The following MCMBP variants were observed in gnomAD, a reference collection of about 807,000 sequenced individuals.
The protein encoded by MCMBP is mini-chromosome maintenance complex-binding protein.
A neutral mutation model predicts 81.3 loss-of-function variants in MCMBP; 31 were observed. The ratio of observed to expected loss-of-function variants is 0.38; its 90% confidence interval spans 0.29 to 0.51. The LOEUF is 0.51. Ranked by LOEUF, MCMBP falls within the 20% of genes least tolerant of loss-of-function variation. MCMBP has a pLI of 0.87. For missense variants in MCMBP, 645 were observed against 772.1 expected, an observed-to-expected ratio of 0.84 and a Z score of 1.95; for synonymous variants, 267 against 275.9, an observed-to-expected ratio of 0.97 and a Z score of 0.32.
intron 14 of MCMBP, among the ~76,000 whole-genome samples, chr10:119,832,493 A>G (rs536826285): frequency 6.6e-6 from 1 of 152,298 alleles, no homozygotes; most frequent in South Asian, 2.1e-4. Context: ...CAAGAAAACC[A>G]GGTGATTATT....
At chr10:119,865,034 G>T (rs942762184) in intron 1 of MCMBP, among the ~76,000 whole-genome samples, 1 of 152,168 alleles carries the variant, frequency 6.6e-6, no homozygotes, top group African/African-American at 2.4e-5. Context: ...GATCTACTTG[G>T]TTGACAGTGT....
At chr10:119,858,951 G>A in intron 3 of MCMBP, 26 bp from the exon 4 acceptor site, 1 of 1,610,346 alleles carries the variant, frequency 6.2e-7, no homozygotes, top group Non-Finnish European at 8.5e-7. Flanking sequence ...TAGAAAAACA[G>A]AATTATATCA....
In MCMBP at chr10:119,838,719, T is replaced by C. The variant is rs558673345; in HGVS notation, c.1243-19A>G. ...GAAAAGACTGCAAAGAGAAATTTTT[T>C]AGTGAACAAGAATTTAAGTTTCCCT... On this transcript the variant is annotated intron_variant, in intron 11 of 15. Transcript: ENST00000369077. 6.3e-6 allele frequency: 10 copies of C among 1,583,574 alleles called. No homozygotes were observed. Among genetic ancestry groups the C allele is most frequent in the South Asian group, 2.3e-5 (2 of 87,648 alleles).
intron 11 of MCMBP, among the ~76,000 whole-genome samples, chr10:119,839,077 G>A (rs1045361110): frequency 6.6e-6 from 1 of 152,186 alleles, no homozygotes; most frequent in Non-Finnish European, 1.5e-5. Flanking sequence ...AAGACAGGGA[G>A]AGAAAAGCTT....
At chr10:119,855,220 T>G (rs1299468078) in intron 5 of MCMBP, among the ~76,000 whole-genome samples, 1 of 152,072 alleles carries the variant, frequency 6.6e-6, no homozygotes, top group East Asian at 1.9e-4. Flanking sequence ...CAAGGGAAAT[T>G]AGAAAATATT....
intron 9 of MCMBP, 54 bp from the exon 10 acceptor site, chr10:119,842,649 T>G: frequency 6.4e-7 from 1 of 1,564,926 alleles, no homozygotes; most frequent in Non-Finnish European, 8.6e-7. Flanking sequence ...TCCTCTCAAG[T>G]GTCTTAGGTA....
intron 1 of MCMBP, among the ~76,000 whole-genome samples, chr10:119,862,492 T>C (rs755839604): frequency 6.6e-6 from 1 of 152,188 alleles, no homozygotes; most frequent in Non-Finnish European, 1.5e-5. Context: ...AGCATATGGG[T>C]GGTTATAGGA....
chr10:119,836,599 G>C (rs141398711), intron 13 of MCMBP, among the ~76,000 whole-genome samples: 1 of 152,322 alleles, frequency 6.6e-6, no homozygotes, highest in East Asian at 1.9e-4. Flanking sequence ...AAGTCTGGAT[G>C]TTAAAATCAG....
Position 119,862,311 on chromosome 10 carries a change from C to G in MCMBP, c.59-2427G>C, listed in dbSNP as rs201773752. The stretch of plus-strand genomic sequence containing the variant: ...GACTAGAGTGAATCTTCGTCCCCCC[C>G]CACACCACCTCCTCCACCACGCAAA... On this transcript the variant is annotated intron_variant, in intron 1 of 15. Transcript: ENST00000369077. Among the ~76,000 whole-genome samples the G allele has an allele frequency of 6.6e-5, 10 of 152,054 alleles. No individual in the cohort carries two copies. The East Asian group carries it at 7.7e-4, about 12-fold the overall frequency.
chr10:119,857,509 A>G, intron 4 of MCMBP, 70 bp from the exon 5 acceptor site: 1 of 989,428 alleles, frequency 1.0e-6, no homozygotes, highest in African/African-American at 1.6e-5. Context: ...TAAAATTAGC[A>G]ACCACATTTT....
intron 9 of MCMBP, chr10:119,843,022 AG>A: frequency 2.1e-6 from 1 of 469,214 alleles, no homozygotes; most frequent in Non-Finnish European, 3.9e-6. Flanking sequence ...TAAAGTGCTA[AG>A]ATTACAGGCG....
In MCMBP at chr10:119,831,399, T is replaced by G. The variant is rs561097047; in HGVS notation, c.*75A>C. 6.2e-5 allele frequency: 96 copies of G among 1,546,916 alleles called. No homozygotes were observed. The East Asian group carries it at 2.0e-3, about 32-fold the overall frequency. ...GATAGAAATTACCTATAAAACAATG[T>G]GGTATAAATGAATATCTGAATTTTA... On this transcript the variant is annotated 3_prime_UTR_variant, in exon 16 of 16. Transcript: ENST00000369077.
In MCMBP at chr10:119,842,494, T is replaced by C; in HGVS notation, c.1102A>G (p.Ile368Val). 1 of 1,613,650 alleles carries C rather than the reference T, an allele frequency of 6.2e-7. No individual in the cohort carries two copies. Among genetic ancestry groups the C allele is most frequent in the South Asian group, 1.1e-5 (1 of 91,062 alleles). The change falls in exon 10 of 16, where the codon ATA becomes GTA. Residue 368 changes from isoleucine to valine, a missense_variant. Coordinates refer to ENST00000369077, the MANE Select transcript of MCMBP (RefSeq NM_001256378.2). ...LGDSLAAEYL[I>V]LHLISTVYTR... ...TACACTGTGGAGATGAGATGTAATA[T>C]AAGGTATTCAGCAGCCAAACTATCC...
chr10:119,842,471 C>T lies in MCMBP; in HGVS notation c.1124+1G>A. 1 of 1,612,272 alleles carries T rather than the reference C, an allele frequency of 6.2e-7. No individual in the cohort carries two copies. The highest frequency in any genetic ancestry group is 8.5e-7 in the Non-Finnish European group (1 of 1,179,066). On this transcript the variant is annotated splice_donor_variant, in intron 10 of 15. Transcript: ENST00000369077. LOFTEE classifies it high-confidence loss of function. ...AATTCCCACCAGGATACAGCACTTA[C>T]ACTGTGGAGATGAGATGTAATATAA... is the stretch of plus-strand genomic sequence containing the variant.
intron 2 of MCMBP, 63 bp from the exon 3 acceptor site, chr10:119,859,244 T>A (rs1009004565): frequency 6.7e-7 from 1 of 1,482,286 alleles, no homozygotes; most frequent in African/African-American, 1.4e-5. Context: ...TAAGCATATA[T>A]ACACAAACTT....
chr10:119,843,314 T>C lies in MCMBP; in HGVS notation c.940A>G (p.Lys314Glu), dbSNP rs1430964295. The stretch of plus-strand genomic sequence containing the variant: ...AATAATGGGTTGATGTGTTGCAACT[T>C]CTGGGCTAAGATCACATGAATTCTC... ...VPRIHVILAQ[K>E]LQHINPLLPA... Residue 314 changes from lysine (K) to glutamate (E), a missense_variant, in exon 9 of 16, where the codon AAG (lysine) becomes GAG (glutamate). Physicochemically the swap from Lys to Glu is moderately conservative, Grantham distance 56. Transcript: ENST00000369077. 3.1e-6 allele frequency: 5 copies of C among 1,613,952 alleles called. No individual in the cohort carries two copies. Among genetic ancestry groups the C allele is most frequent in the Non-Finnish European group, 4.2e-6 (5 of 1,179,952 alleles).
intron 12 of MCMBP, 65 bp from the exon 13 acceptor site, chr10:119,837,094 G>A: frequency 1.3e-6 from 2 of 1,518,672 alleles, no homozygotes; most frequent in Middle Eastern, 1.7e-4. Context: ...CAGTTTTGCT[G>A]ACACCGATGA....
intron 5 of MCMBP, among the ~76,000 whole-genome samples, chr10:119,855,104 A>C (rs1412227894): frequency 6.6e-6 from 1 of 152,220 alleles, no homozygotes; most frequent in East Asian, 1.9e-4. Context: ...GTATGTTGTG[A>C]GCTGTATAAT....
At chr10:119,867,615 T>C (rs1853518489) in intron 1 of MCMBP, among the ~76,000 whole-genome samples, 1 of 152,150 alleles carries the variant, frequency 6.6e-6, no homozygotes, top group South Asian at 2.1e-4. Context: ...AAAATAAAGA[T>C]GCTAGCTAGC....
Sources: gnomAD v4.1 joint callset for allele counts (sites outside exome capture counted in the v4.1 genomes callset) on GRCh38, gnomAD v4.1.1 for gene constraint, MANE v1.5 for transcripts, NCBI Gene and HGNC (gene_info 2026-07-23, HGNC 2026-07-21) for gene names.